GRK4: variants seen among roughly 807,000 people sequenced by gnomAD.
GRK4 encodes the protein G protein-coupled receptor kinase 2-like.
A neutral mutation model predicts 77.9 loss-of-function variants in GRK4; 73 were observed. That is an observed-to-expected ratio of 0.94 (90% CI 0.78 to 1.14). GRK4 has a LOEUF of 1.14. GRK4 is among the 50% of genes most tolerant of loss of function. The pLI, the probability that GRK4 is intolerant of heterozygous loss-of-function variation, is 0.00. For synonymous variants in GRK4, 257 were observed against 254.4 expected, an observed-to-expected ratio of 1.01 and a Z score of -0.10; for missense variants, 729 against 700.2, an observed-to-expected ratio of 1.04 and a Z score of -0.46.
At chr4:3,002,696 C>G (rs1011244606) in intron 4 of GRK4, among the ~76,000 whole-genome samples, 1 of 151,986 alleles carries the variant, frequency 6.6e-6, no homozygotes, top group Non-Finnish European at 1.5e-5. Context: ...GAACAAGACT[C>G]CATCTCAAAA....
chr4:2,988,477 A>AGGAG (rs1725091863), intron 2 of GRK4, among the ~76,000 whole-genome samples: 1 of 152,166 alleles, frequency 6.6e-6, no homozygotes, highest in African/African-American at 2.4e-5. Flanking sequence ...ACAGATAAGC[A>AGGAG]GGAGAATCGC....
intron 12 of GRK4, among the ~76,000 whole-genome samples, chr4:3,029,627 T>C (rs989110130): frequency 6.6e-6 from 1 of 151,224 alleles, no homozygotes; most frequent in East Asian, 1.9e-4. Context: ...GGAGGACACG[T>C]GTGTTCAGGA....
rs563013201 is a variant in GRK4 at position 3,028,040 on chromosome 4, C to T, written c.1060+39C>T. The T allele has an allele frequency of 3.6e-5, 57 of 1,581,830 alleles. 1 individual carries two copies. The highest frequency in any genetic ancestry group is 3.4e-4 in the South Asian group (31 of 90,484). ...TTTCGGCGTCCTTGTCCTTTCTATC[C>T]GGGTGCCTGAGTGCCTCAGAACACA... is the stretch of plus-strand genomic sequence containing the variant. On this transcript the variant is annotated intron_variant, in intron 11 of 15. Coordinates refer to ENST00000398052, the MANE Select transcript of GRK4 (RefSeq NM_182982.3).
At chr4:3,038,249 C>A in intron 14 of GRK4, 127 bp from the exon 15 acceptor site, 2 of 1,193,168 alleles carry the variant, frequency 1.7e-6, no homozygotes, top group Non-Finnish European at 2.4e-6. Context: ...AAAAGGGGCC[C>A]CACAGTGGGT....
chr4:3,023,457 GGAGATT>G (rs1279335612), intron 10 of GRK4, among the ~76,000 whole-genome samples: 5 of 152,316 alleles, frequency 3.3e-5, no homozygotes, highest in African/African-American at 1.2e-4. Flanking sequence ...CGTCTAAGGC[GGAGATT>G]GAGGGCAGTC....
intron 1 of GRK4, among the ~76,000 whole-genome samples, chr4:2,975,649 C>T (rs929067688): frequency 4.6e-5 from 7 of 152,144 alleles, no homozygotes; most frequent in Non-Finnish European, 1.0e-4. Context: ...CAGATGAAAC[C>T]TCCACAGGTT....
chr4:2,986,234 T>G (rs1160087101), intron 2 of GRK4, among the ~76,000 whole-genome samples: 1 of 151,960 alleles, frequency 6.6e-6, no homozygotes, highest in Non-Finnish European at 1.5e-5. Context: ...AACTGCAATT[T>G]GAAAAATGGT....
intron 2 of GRK4, among the ~76,000 whole-genome samples, chr4:2,985,594 A>C (rs1336972738): frequency 1.3e-5 from 2 of 152,066 alleles, no homozygotes; most frequent in African/African-American, 4.8e-5. Flanking sequence ...ATTTCTAATG[A>C]TCTTCAGGAA....
At chr4:3,001,744 ATAT>A (rs1318387952) in intron 4 of GRK4, among the ~76,000 whole-genome samples, 2 of 152,274 alleles carry the variant, frequency 1.3e-5, no homozygotes, top group East Asian at 3.9e-4. Context: ...AATTGTGATA[ATAT>A]TGTTGATTTT....
intron 1 of GRK4, among the ~76,000 whole-genome samples, chr4:2,983,746 A>G (rs760953693): frequency 6.6e-6 from 1 of 152,148 alleles, no homozygotes; most frequent in Non-Finnish European, 1.5e-5. Context: ...CCATTTTCAC[A>G]CTGCTGTGAA....
intron 7 of GRK4, among the ~76,000 whole-genome samples, chr4:3,013,174 G>A (rs1733398563): frequency 6.6e-6 from 1 of 151,742 alleles, no homozygotes; most frequent in African/African-American, 2.4e-5. Context: ...CTCTGGAGTA[G>A]CTGGGGCTAC....
At chr4:3,008,562 G>A (rs1731974414) in intron 6 of GRK4, among the ~76,000 whole-genome samples, 1 of 152,166 alleles carries the variant, frequency 6.6e-6, no homozygotes, top group African/African-American at 2.4e-5. Flanking sequence ...CAGCACTTTG[G>A]GAGGCCGAGG....
chr4:2,989,716 G>T (rs1296263648), intron 3 of GRK4, among the ~76,000 whole-genome samples: 1 of 152,224 alleles, frequency 6.6e-6, no homozygotes, highest in African/African-American at 2.4e-5. Flanking sequence ...GATAAAGTTT[G>T]TGTAAGAAGA....
chr4:2,974,559 A>C (rs1174873406), intron 1 of GRK4, among the ~76,000 whole-genome samples: 2 of 152,232 alleles, frequency 1.3e-5, no homozygotes, highest in Non-Finnish European at 2.9e-5. Flanking sequence ...AAACAGATGA[A>C]TATCTCCTTC....
chr4:2,980,929 G>C (rs114202729), intron 1 of GRK4, among the ~76,000 whole-genome samples: 2 of 152,270 alleles, frequency 1.3e-5, no homozygotes, highest in East Asian at 3.8e-4. Context: ...AGAGCAGCAA[G>C]GGTTGCATGA....
intron 4 of GRK4, among the ~76,000 whole-genome samples, chr4:2,998,301 G>A (rs1158022598): frequency 6.6e-6 from 1 of 151,880 alleles, no homozygotes; most frequent in Non-Finnish European, 1.5e-5. Flanking sequence ...AGGTTGCAGT[G>A]AGCCAAGGTT....
chr4:2,981,161 G>A (rs776032624), intron 1 of GRK4, among the ~76,000 whole-genome samples: 2 of 152,244 alleles, frequency 1.3e-5, no homozygotes, highest in South Asian at 4.1e-4. Context: ...AGCCTTGGCT[G>A]GGGGAGGTCC....
intron 15 of GRK4, among the ~76,000 whole-genome samples, chr4:3,039,802 TGTGAACTAACAAAA>T (rs1461480532): frequency 3.3e-5 from 5 of 150,892 alleles, no homozygotes; most frequent in Non-Finnish European, 7.4e-5. Flanking sequence ...AAGGGTTAGG[TGTGAACTAACAAAA>T]TGGCTCTCCC....
At chr4:3,040,309 C>T (rs992330887) in intron 15 of GRK4, among the ~76,000 whole-genome samples, 8 of 151,922 alleles carry the variant, frequency 5.3e-5, no homozygotes, top group Middle Eastern at 3.2e-3. Context: ...GGTGTGGTGG[C>T]GTGTGGCTGT....
Sources: allele counts gnomAD v4.1 joint callset (sites outside exome capture counted in the v4.1 genomes callset), GRCh38; gene constraint gnomAD v4.1.1; transcripts MANE v1.5; gene names NCBI Gene and HGNC (gene_info 2026-07-23, HGNC 2026-07-21).